Variants in MGST1 observed in about 807,000 individuals in gnomAD.
The protein encoded by MGST1 is glutathione S-transferase 12.
A neutral mutation model predicts 8.9 loss-of-function variants in MGST1; 5 were observed. The ratio of observed to expected loss-of-function variants is 0.56; its 90% CI spans 0.29 to 1.19. The LOEUF is 1.19. Ranked by LOEUF, MGST1 falls within the 50% of genes most tolerant of loss-of-function variation. MGST1 has a pLI of 0.08. For synonymous variants in MGST1, 54 were observed against 67.8 expected, an observed-to-expected ratio of 0.80 and a Z score of 1.00; for missense variants, 182 against 187.4, an observed-to-expected ratio of 0.97 and a Z score of 0.17.
chr12:16,498,268 G>T (rs1398733676), intron 4 of MGST1, among the ~76,000 whole-genome samples: 1 of 152,128 alleles, frequency 6.6e-6, no homozygotes, highest in Non-Finnish European at 1.5e-5. Context: ...TCTGAAAACT[G>T]TCCTAAATGG....
At chr12:16,380,127 G>A (rs2137038584), downstream of MGST1, among the ~76,000 whole-genome samples, 1 of 152,072 alleles carries the variant, frequency 6.6e-6, no homozygotes, top group Non-Finnish European at 1.5e-5. Context: ...AGGGTTTTTT[G>A]TGTCTCTATT....
intron 1 of MGST1, among the ~76,000 whole-genome samples, chr12:16,431,248 C>G (rs778598514): frequency 6.6e-6 from 1 of 152,184 alleles, no homozygotes; most frequent in African/African-American, 2.4e-5. Flanking sequence ...AAAACTTTCT[C>G]CATATCAGCA....
intron 4 of MGST1, among the ~76,000 whole-genome samples, chr12:16,505,820 A>C (rs1364533554): frequency 1.3e-5 from 2 of 152,204 alleles, no homozygotes; most frequent in African/African-American, 4.8e-5. Flanking sequence ...CACAAACTCA[A>C]ATGCCCTTAG....
chr12:16,374,943 C>A (rs943864177), intron 3 of MGST1, among the ~76,000 whole-genome samples: 3 of 152,146 alleles, frequency 2.0e-5, no homozygotes, highest in African/African-American at 7.2e-5. Flanking sequence ...TGCAGTGGGA[C>A]AATCACAGCT....
Position 16,363,774 on chromosome 12 carries a change from AAT to A in MGST1, c.222-19_222-18del. ...CTAGTATTTTGAAATTAGTGTCTTT[AAT>A]AGTTATCTTTTTCCACAGAGCCCAC... On this transcript the variant is annotated intron_variant, in intron 3 of 3. Transcript: ENST00000396210. The surrounding 1 kb of genome is among the most constrained non-coding windows in gnomAD (Gnocchi z 4.6). The A allele has an allele frequency of 6.4e-7, 1 of 1,570,436 alleles. No individual in the cohort carries two copies. The highest frequency in any genetic ancestry group is 2.3e-5 in the East Asian group (1 of 44,272).
chr12:16,531,011 CAT>C lies in MGST1; in HGVS notation n.483-58514_483-58513del, dbSNP rs1565470364. ...AGGAAACGGCACATTCAATATAACT[CAT>C]ATGAAAAAGTAATGTCTGATGGTGC... On this transcript the variant is annotated intron_variant and non_coding_transcript_variant, in intron 4 of 4. Coordinates refer to the MGST1 transcript ENST00000538857. Among the ~76,000 whole-genome samples, 3 of 151,838 alleles carry C rather than the reference CAT, an allele frequency of 2.0e-5. No homozygotes were observed. The South Asian group carries it at 6.2e-4, about 32-fold the overall frequency.
At chr12:16,468,535 A>AACAACACCAG (rs1591738203) in intron 4 of MGST1, among the ~76,000 whole-genome samples, 1 of 152,174 alleles carries the variant, frequency 6.6e-6, no homozygotes, top group East Asian at 1.9e-4. Flanking sequence ...GATATAGTAC[A>AACAACACCAG]TTATGATCAA....
chr12:16,554,337 T>C (rs971214116), intron 4 of MGST1, among the ~76,000 whole-genome samples: 4 of 152,254 alleles, frequency 2.6e-5, no homozygotes, highest in Admixed American at 2.6e-4. Flanking sequence ...CTGACAATTA[T>C]GATTAATTTC....
intron 4 of MGST1, among the ~76,000 whole-genome samples, chr12:16,525,539 A>G (rs887420284): frequency 6.9e-6 from 1 of 145,458 alleles, no homozygotes; most frequent in Admixed American, 6.9e-5. Context: ...AATCCAGTCT[A>G]TCATTGTTGG....
intron 4 of MGST1, among the ~76,000 whole-genome samples, chr12:16,474,650 T>C (rs1407254304): frequency 2.6e-5 from 4 of 152,164 alleles, no homozygotes; most frequent in African/African-American, 4.8e-5. Flanking sequence ...TCTCCCTCTG[T>C]CCTTCCCCTA....
At position 16,547,746 on chromosome 12, in the gene MGST1, AG is replaced by A. The variant is rs1024402965; in HGVS notation, n.483-41780del. The stretch of plus-strand genomic sequence containing the variant: ...TTTTAAGAAAAAGTAATGATCAAAA[AG>A]GCTTTTGCTAAAATTGTATTTTGTG... On this transcript the variant is annotated intron_variant and non_coding_transcript_variant, in intron 4 of 4. Transcript: ENST00000538857. The surrounding 1 kb of genome is among the most constrained non-coding windows in gnomAD (Gnocchi z 4.6). Among the ~76,000 whole-genome samples the A allele has an allele frequency of 7.4e-4, 112 of 152,340 alleles. No homozygotes were observed. The highest frequency in any genetic ancestry group is 2.5e-3 in the African/African-American group (104 of 41,588).
rs1942964808 is a variant in MGST1, at chr12:16,575,450, G to A, written n.483-14078G>A. 3.9e-5 allele frequency among the ~76,000 whole-genome samples: 6 copies of A among 152,116 alleles called. No individual in the cohort carries two copies. In the South Asian group the frequency reaches 1.2e-3, roughly 32 times the overall value. On this transcript the variant is annotated intron_variant and non_coding_transcript_variant, in intron 4 of 4. Transcript: ENST00000538857. ...AAACATCTGAAATCAATATCAATAC[G>A]AAATTTGGTCAATTATGTAAGGGCT... is the stretch of plus-strand genomic sequence containing the variant.
At chr12:16,561,799 T>C (rs16912030) in intron 4 of MGST1, among the ~76,000 whole-genome samples, 38,009 of 152,126 alleles carry the variant, frequency 0.25, 5,154 homozygotes, top group African/African-American at 0.36. Flanking sequence ...GTGCAATGAA[T>C]GTTTATGCTC....
At chr12:16,554,018 A>G (rs1255977964) in intron 4 of MGST1, among the ~76,000 whole-genome samples, 1 of 152,126 alleles carries the variant, frequency 6.6e-6, no homozygotes, top group Non-Finnish European at 1.5e-5. Flanking sequence ...TTTTACCCTC[A>G]TTTAAAAAAA....
intron 4 of MGST1, among the ~76,000 whole-genome samples, chr12:16,583,046 C>CAAA (rs55665813): frequency 1.3e-4 from 17 of 126,662 alleles, no homozygotes; most frequent in East Asian, 7.0e-4. Context: ...GACTCCGCCT[C>CAAA]AAAAAAAAAA....
At chr12:16,552,994 G>A (rs763292475) in intron 4 of MGST1, among the ~76,000 whole-genome samples, 1 of 152,064 alleles carries the variant, frequency 6.6e-6, no homozygotes, top group South Asian at 2.1e-4. Context: ...TAATACCTGT[G>A]ACATCAGTCG....
chr12:16,478,129 A>G (rs1941335753), intron 4 of MGST1, among the ~76,000 whole-genome samples: 1 of 152,190 alleles, frequency 6.6e-6, no homozygotes. Context: ...TCTTAAGTTC[A>G]AGTAATTCTT....
chr12:16,453,629 C>T (rs1017942467), intron 4 of MGST1, among the ~76,000 whole-genome samples: 3 of 151,986 alleles, frequency 2.0e-5, no homozygotes, highest in Middle Eastern at 3.4e-3. Flanking sequence ...AGATAAATGT[C>T]GGGATCAAGG....
intron 1 of MGST1, among the ~76,000 whole-genome samples, chr12:16,393,523 A>T (rs1453747197): frequency 1.3e-5 from 2 of 152,222 alleles, no homozygotes; most frequent in Non-Finnish European, 2.9e-5. Flanking sequence ...GGGAAAAACC[A>T]CAGATTTGGA....
Sources: allele counts gnomAD v4.1 joint callset (sites outside exome capture counted in the v4.1 genomes callset), GRCh38; gene constraint gnomAD v4.1.1; non-coding constraint Gnocchi (gnomAD v3.1); transcripts MANE v1.5; gene names NCBI Gene and HGNC (gene_info 2026-07-23, HGNC 2026-07-21).